The following SIDT1 variants were observed in gnomAD, a reference collection of about 807,000 sequenced individuals.
SIDT1 encodes SID1 transmembrane family member 1, also known as SID1 transmembrane family, member 1.
Under a neutral mutation model 107.5 loss-of-function variants are expected in SIDT1, and 101 were observed. The observed-to-expected ratio is 0.94, with a 90% CI of 0.80 to 1.11. The LOEUF (loss-of-function observed/expected upper bound fraction) is 1.11. Ranked by LOEUF, SIDT1 falls within the 50% of genes least tolerant of loss-of-function variation. The pLI is 0.00. For synonymous variants in SIDT1, 395 were observed against 398.2 expected (o/e 0.99, Z 0.10); for missense variants, 1,076 against 1,058.2 (o/e 1.02, Z -0.23).
At chr3:113,580,061 C>A (rs2107504756) in intron 4 of SIDT1, among the ~76,000 whole-genome samples, 1 of 152,320 alleles carries the variant, frequency 6.6e-6, no homozygotes, top group East Asian at 1.9e-4. Flanking sequence ...GTCTTTGAAT[C>A]TCTGTATGTT....
At chr3:113,601,183 A>C (rs1417886284) in intron 10 of SIDT1, among the ~76,000 whole-genome samples, 2 of 152,246 alleles carry the variant, frequency 1.3e-5, no homozygotes, top group African/African-American at 4.8e-5. Flanking sequence ...TAATGGACAC[A>C]TAAAAAATTT....
intron 3 of SIDT1, among the ~76,000 whole-genome samples, chr3:113,569,113 T>C (rs1219168769): frequency 2.5e-5 from 3 of 121,550 alleles, no homozygotes; most frequent in Non-Finnish European, 4.8e-5. Context: ...CACTCCAGCC[T>C]GGGTGAAGGA....
intron 1 of SIDT1, among the ~76,000 whole-genome samples, chr3:113,550,065 G>T (rs1393867232): frequency 6.6e-6 from 1 of 152,126 alleles, no homozygotes; most frequent in Non-Finnish European, 1.5e-5. Flanking sequence ...TTGGTGCAAA[G>T]ACTTGGAAGC....
rs1261824536 is a variant in SIDT1 at position 113,623,636 on chromosome 3, A to G, written c.2210A>G (p.Glu737Gly). Reference protein sequence around the residue: ...FYIIMKLRSSEKVLPVPLFCI... With the variant: ...FYIIMKLRSSGKVLPVPLFCI... Reference sequence around the variant, plus strand: ...CTCCTCCCACAGCTCCGCAGCTCTGAAAAGGTCCTCCCAGTCCCGCTCTTC... The same window carrying G: ...CTCCTCCCACAGCTCCGCAGCTCTGGAAAGGTCCTCCCAGTCCCGCTCTTC... The change falls in exon 23 of 25, where the codon GAA (glutamate) becomes GGA (glycine). Residue 737 changes from glutamate to glycine, a missense_variant. Transcript: ENST00000264852. The G allele has an allele frequency of 3.7e-6, 6 of 1,613,088 alleles. No homozygotes were observed. The highest frequency in any genetic ancestry group is 5.1e-6 in the Non-Finnish European group (6 of 1,179,276).
At chr3:113,566,788 G>A (rs539405229) in intron 2 of SIDT1, among the ~76,000 whole-genome samples, 42 of 152,246 alleles carry the variant, frequency 2.8e-4, no homozygotes, top group African/African-American at 9.9e-4. Context: ...AAAACATACC[G>A]TGATCCTCTG....
intron 2 of SIDT1, among the ~76,000 whole-genome samples, chr3:113,567,285 C>T (rs1236069932): frequency 2.6e-5 from 4 of 152,128 alleles, no homozygotes. Flanking sequence ...AATGGCTTAG[C>T]GTAATGTAGA....
chr3:113,584,900 GA>G, intron 8 of SIDT1, 131 bp downstream of exon 8: 2 of 714,796 alleles, frequency 2.8e-6, no homozygotes, highest in South Asian at 2.0e-5. Context: ...CTTAGAAATA[GA>G]AAAGGGAGTC....
chr3:113,568,960 C>T (rs1477785680), intron 3 of SIDT1, among the ~76,000 whole-genome samples: 3 of 151,584 alleles, frequency 2.0e-5, no homozygotes, highest in East Asian at 1.9e-4. Context: ...ATGGTGAAAC[C>T]CCTCTGTGCT....
intron 1 of SIDT1, among the ~76,000 whole-genome samples, chr3:113,554,138 C>T (rs1940584408): frequency 1.3e-5 from 2 of 152,162 alleles, no homozygotes; most frequent in South Asian, 4.1e-4. Flanking sequence ...GCAAAAGTAG[C>T]CCAGAATTGG....
chr3:113,614,458 A>AAAAG (rs569454026), intron 19 of SIDT1, among the ~76,000 whole-genome samples: 2 of 152,208 alleles, frequency 1.3e-5, no homozygotes, highest in South Asian at 4.1e-4. Flanking sequence ...TACCAGAGTC[A>AAAAG]AAAGAAAACT....
Position 113,603,143 on chromosome 3 carries a change from G to T in SIDT1, c.1256G>T (p.Arg419Leu), listed in dbSNP as rs765520373. The T allele has an allele frequency of 6.2e-7, 1 of 1,613,100 alleles. No individual in the cohort carries two copies. The highest frequency in any genetic ancestry group is 1.3e-5 in the African/African-American group (1 of 74,846). ...ATTGAGAGTGATAAAAACATCATCCGGACCAAGGTACCCACTCTGCCTCGC... is the reference window on the plus strand; with the variant it reads ...ATTGAGAGTGATAAAAACATCATCCTGACCAAGGTACCCACTCTGCCTCGC... ...PDIESDKNII[R>L]TKMFLYLSDL... The change falls in exon 12 of 25, where the codon CGG (arginine) becomes CTG (leucine). Residue 419 changes from arginine (R) to leucine (L), a missense_variant. Physicochemically the swap from Arg to Leu is moderately radical, Grantham distance 102. Transcript: ENST00000264852.
intron 1 of SIDT1, among the ~76,000 whole-genome samples, chr3:113,551,530 A>G (rs1224572904): frequency 6.6e-6 from 1 of 152,236 alleles, no homozygotes; most frequent in Non-Finnish European, 1.5e-5. Context: ...GCTTATCAAC[A>G]ACAAAAATAA....
intron 19 of SIDT1, 24 bp downstream of exon 19, chr3:113,612,218 C>G: frequency 6.8e-7 from 1 of 1,479,412 alleles, no homozygotes; most frequent in Non-Finnish European, 9.5e-7. Context: ...TAATTCTATA[C>G]TAATCACACG....
chr3:113,572,969 A>C (rs890014432), intron 3 of SIDT1, among the ~76,000 whole-genome samples: 2 of 151,440 alleles, frequency 1.3e-5, no homozygotes, highest in Non-Finnish European at 2.9e-5. Context: ...GGTATTTTGG[A>C]GGAGACTACA....
At chr3:113,632,721 G>T (rs996468101), downstream of SIDT1, 4 of 152,316 alleles carry the variant, frequency 2.6e-5, no homozygotes, top group African/African-American at 9.7e-5. Flanking sequence ...GCGGTGGCAC[G>T]TGCCTGTAGT....
At chr3:113,558,721 AT>A (rs976163556) in intron 1 of SIDT1, among the ~76,000 whole-genome samples, 2 of 152,218 alleles carry the variant, frequency 1.3e-5, no homozygotes, top group African/African-American at 2.4e-5. Context: ...AATAAGAGTC[AT>A]TAAATTGTTT....
chr3:113,595,118 C>A (rs1380693061), intron 10 of SIDT1, among the ~76,000 whole-genome samples: 1 of 152,212 alleles, frequency 6.6e-6, no homozygotes, highest in East Asian at 1.9e-4. Flanking sequence ...AGATTAGGTC[C>A]TCTTCTCTAA....
intron 13 of SIDT1, among the ~76,000 whole-genome samples, chr3:113,604,265 C>T (rs1945167890): frequency 6.6e-6 from 1 of 152,178 alleles, no homozygotes; most frequent in South Asian, 2.1e-4. Context: ...CCTCAGAAAC[C>T]CCCAAGCTGA....
intron 1 of SIDT1, among the ~76,000 whole-genome samples, chr3:113,540,661 A>G (rs1938716927): frequency 6.6e-6 from 1 of 152,206 alleles, no homozygotes; most frequent in African/African-American, 2.4e-5. Flanking sequence ...TCTGCAAAAC[A>G]TGGGATATTC....
Sources: allele counts gnomAD v4.1 joint callset (sites outside exome capture counted in the v4.1 genomes callset), GRCh38; gene constraint gnomAD v4.1.1; transcripts MANE v1.5; gene names NCBI Gene and HGNC (gene_info 2026-07-23, HGNC 2026-07-21).